The following CTDSPL variants were observed in gnomAD, a reference collection of about 807,000 sequenced individuals.
CTDSPL encodes the protein CTD small phosphatase-like protein.
CTDSPL carries 8 observed loss-of-function variants against 30.5 expected under a neutral mutation model. The observed-to-expected ratio is 0.26, with a 90% confidence interval of 0.15 to 0.47. CTDSPL has a LOEUF of 0.47. Ranked by LOEUF, CTDSPL falls within the 20% of genes least tolerant of loss-of-function variation. The probability of loss-of-function intolerance (pLI) is 0.99; values close to 1 mark genes in which losing one functional copy is unlikely to be tolerated. For missense variants in CTDSPL, 248 were observed against 366.1 expected, an observed-to-expected ratio of 0.68 and a Z score of 2.63; for synonymous variants, 110 against 137.9, an observed-to-expected ratio of 0.80 and a Z score of 1.42.
chr3:37,957,154 T>C lies in CTDSPL; in HGVS notation c.267+11T>C. ...ATTCCCATACCAAGTGTATGTATAT[T>C]TATCTAATTTTATTTATTAAAACAG... On this transcript the variant is annotated intron_variant, in intron 3 of 7. Coordinates refer to ENST00000273179, the MANE Select transcript of CTDSPL (RefSeq NM_001008392.2). 2 of 1,552,790 alleles carry C rather than the reference T, an allele frequency of 1.3e-6. No homozygotes were observed. The highest frequency in any genetic ancestry group is 1.8e-6 in the Non-Finnish European group (2 of 1,139,908).
intron 1 of CTDSPL, among the ~76,000 whole-genome samples, chr3:37,899,857 A>G (rs1698429443): frequency 6.6e-6 from 1 of 152,214 alleles, no homozygotes; most frequent in South Asian, 2.1e-4. Context: ...TTATCTCTAA[A>G]TAACCTTAGA....
chr3:37,909,785 G>A lies in CTDSPL; in HGVS notation c.80-37272G>A, dbSNP rs370089735. Among the ~76,000 whole-genome samples the A allele has an allele frequency of 1.3e-3, 198 of 152,376 alleles. 1 individual carries two copies. Among genetic ancestry groups the A allele is most frequent in the African/African-American group, 4.6e-3 (190 of 41,596 alleles). ...GCCATAAGGCCAAGTCCCACATTTG[G>A]GGAGGGAATGAGGAGACAGCGAGTC... On this transcript the variant is annotated intron_variant, in intron 1 of 7. Coordinates refer to ENST00000273179, the MANE Select transcript of CTDSPL (RefSeq NM_001008392.2).
At chr3:37,871,207 T>C (rs892744677) in intron 1 of CTDSPL, among the ~76,000 whole-genome samples, 3 of 152,214 alleles carry the variant, frequency 2.0e-5, no homozygotes, top group African/African-American at 7.2e-5. Context: ...TGGAATCATA[T>C]AGTATGTAGC....
chr3:37,927,688 A>G (rs970936299), intron 1 of CTDSPL, among the ~76,000 whole-genome samples: 48 of 137,748 alleles, frequency 3.5e-4, no homozygotes, highest in African/African-American at 1.0e-3. Context: ...GTATGTGTAT[A>G]TATATATATA....
chr3:37,887,299 A>G (rs1394421138), intron 1 of CTDSPL, among the ~76,000 whole-genome samples: 2 of 152,166 alleles, frequency 1.3e-5, no homozygotes, highest in African/African-American at 2.4e-5. Flanking sequence ...TGGCCTGCCA[A>G]CTGTCTGCAC....
At chr3:37,922,280 C>T (rs1171035027) in intron 1 of CTDSPL, among the ~76,000 whole-genome samples, 1 of 151,942 alleles carries the variant, frequency 6.6e-6, no homozygotes, top group Non-Finnish European at 1.5e-5. Flanking sequence ...CTGAGGGCAG[C>T]CACCTCTAGC....
intron 3 of CTDSPL, among the ~76,000 whole-genome samples, chr3:37,960,759 G>C (rs995384308): frequency 2.0e-5 from 3 of 151,594 alleles, no homozygotes; most frequent in Non-Finnish European, 2.9e-5. Flanking sequence ...ACAAAGATTG[G>C]TATCAGTTTA....
chr3:37,932,044 G>A (rs750318942), intron 1 of CTDSPL, among the ~76,000 whole-genome samples: 54 of 152,028 alleles, frequency 3.6e-4, no homozygotes, highest in Non-Finnish European at 3.4e-4. Flanking sequence ...ATCTACAGTA[G>A]CAAAGCTGTG....
At chr3:37,883,495 C>T (rs1264986145) in intron 1 of CTDSPL, among the ~76,000 whole-genome samples, 1 of 152,160 alleles carries the variant, frequency 6.6e-6, no homozygotes, top group Non-Finnish European at 1.5e-5. Flanking sequence ...GGCAACAAAC[C>T]ACTGTAGTAC....
At chr3:37,966,561 T>G (rs1033511986) in intron 4 of CTDSPL, among the ~76,000 whole-genome samples, 1 of 152,278 alleles carries the variant, frequency 6.6e-6, no homozygotes, top group Non-Finnish European at 1.5e-5. Flanking sequence ...CAGTCTTTCC[T>G]TTTGTTTTTT....
At chr3:37,976,772 G>A (rs909852185) in intron 7 of CTDSPL, among the ~76,000 whole-genome samples, 4 of 152,092 alleles carry the variant, frequency 2.6e-5, no homozygotes, top group African/African-American at 7.2e-5. Context: ...GGCAGCTCTC[G>A]GTGCCTACTC....
At chr3:37,916,785 T>C (rs1698654752) in intron 1 of CTDSPL, among the ~76,000 whole-genome samples, 2 of 152,216 alleles carry the variant, frequency 1.3e-5, no homozygotes, top group African/African-American at 2.4e-5. Context: ...CAGTGCTTTA[T>C]AATGTACAGA....
intron 6 of CTDSPL, among the ~76,000 whole-genome samples, chr3:37,973,756 C>T (rs955925665): frequency 1.8e-4 from 28 of 152,202 alleles, no homozygotes; most frequent in African/African-American, 6.3e-4. Context: ...CTATTGTGTG[C>T]CAGGCACAGT....
chr3:37,939,448 C>G (rs906135008), intron 1 of CTDSPL, among the ~76,000 whole-genome samples: 3 of 150,334 alleles, frequency 2.0e-5, no homozygotes, highest in Non-Finnish European at 4.5e-5. Context: ...AAATTTCACT[C>G]TAGGCTCTTA....
chr3:37,980,615 G>A, intron 7 of CTDSPL, 127 bp from the exon 8 acceptor site: 2 of 1,248,454 alleles, frequency 1.6e-6, no homozygotes, highest in South Asian at 1.6e-5. Flanking sequence ...AAATCATGAT[G>A]ATAACGATGA....
chr3:37,877,206 A>T (rs765718910), intron 1 of CTDSPL, among the ~76,000 whole-genome samples: 25 of 152,116 alleles, frequency 1.6e-4, no homozygotes, highest in Non-Finnish European at 2.5e-4. Flanking sequence ...ACCACCATCC[A>T]TCTCCAGAAC....
chr3:37,867,654 G>A (rs1240622623), intron 1 of CTDSPL, among the ~76,000 whole-genome samples: 1 of 152,070 alleles, frequency 6.6e-6, no homozygotes, highest in Admixed American at 6.5e-5. Flanking sequence ...TTTTTATTTT[G>A]AAATAATTAT....
intron 6 of CTDSPL, among the ~76,000 whole-genome samples, chr3:37,973,720 T>G (rs1396988422): frequency 6.6e-6 from 1 of 152,228 alleles, no homozygotes; most frequent in Admixed American, 6.5e-5. Flanking sequence ...CTTCCTTCAT[T>G]CACCCAGCAA....
At chr3:37,891,831 G>A (rs752161654) in intron 1 of CTDSPL, among the ~76,000 whole-genome samples, 2 of 152,094 alleles carry the variant, frequency 1.3e-5, no homozygotes, top group Admixed American at 6.5e-5. Context: ...AATAAGGATG[G>A]TGTACGTGTA....
Sources: allele counts gnomAD v4.1 joint callset (sites outside exome capture counted in the v4.1 genomes callset), GRCh38; gene constraint gnomAD v4.1.1; transcripts MANE v1.5; gene names NCBI Gene and HGNC (gene_info 2026-07-23, HGNC 2026-07-21).